The following NRG1 variants were observed in gnomAD, a reference collection of about 807,000 sequenced individuals.
NRG1 encodes the protein neuregulin 1.
NRG1 carries 18 observed loss-of-function variants against 63.8 expected under a neutral mutation model. The observed-to-expected ratio is 0.28, with a 90% CI of 0.19 to 0.42. NRG1 has a LOEUF of 0.42. NRG1 is among the 10% of genes least tolerant of loss of function. The pLI, the probability that NRG1 is intolerant of heterozygous loss-of-function variation, is 1.00. For synonymous variants in NRG1, 302 were observed against 301.3 expected (o/e 1.00, Z -0.02); for missense variants, 762 against 814.7 (o/e 0.94, Z 0.79).
intron 1 of NRG1, among the ~76,000 whole-genome samples, chr8:31,654,579 G>A (rs1348125241): frequency 2.0e-5 from 3 of 152,234 alleles, no homozygotes; most frequent in Non-Finnish European, 4.4e-5. Context: ...TTAACACATT[G>A]TCTTGCTCAC....
intron 1 of NRG1, among the ~76,000 whole-genome samples, chr8:32,229,389 T>C (rs997922878): frequency 1.5e-4 from 23 of 152,258 alleles, no homozygotes; most frequent in Non-Finnish European, 2.5e-4. Context: ...GTTCTCCTGA[T>C]TGGGCAAGAT....
chr8:32,475,688 G>C (rs1433162514), intron 1 of NRG1, among the ~76,000 whole-genome samples: 1 of 151,984 alleles, frequency 6.6e-6, no homozygotes, highest in Non-Finnish European at 1.5e-5. Flanking sequence ...TGAGACTACA[G>C]GCAAATGCCA....
intron 5 of NRG1, chr8:32,647,088 C>A: frequency 9.1e-6 from 9 of 985,380 alleles, no homozygotes; most frequent in Non-Finnish European, 1.1e-5. Flanking sequence ...CTCCTGGCTG[C>A]ACTCTTGCCT....
chr8:32,643,450 G>A (rs545132590), intron 5 of NRG1, among the ~76,000 whole-genome samples: 77 of 152,296 alleles, frequency 5.1e-4, no homozygotes, highest in Middle Eastern at 6.8e-3. Flanking sequence ...GCCACAGGTT[G>A]GTGCACCATT....
At chr8:32,274,582 G>A (rs1851894095) in intron 1 of NRG1, among the ~76,000 whole-genome samples, 1 of 152,142 alleles carries the variant, frequency 6.6e-6, no homozygotes, top group Admixed American at 6.5e-5. Flanking sequence ...GAAAGAAAGT[G>A]AAAGATATGT....
intron 1 of NRG1, among the ~76,000 whole-genome samples, chr8:32,033,168 C>T (rs370310898): frequency 2.1e-4 from 31 of 148,506 alleles, no homozygotes; most frequent in African/African-American, 7.7e-4. Context: ...GATCTTGGCT[C>T]ACTGCAAGCT....
intron 1 of NRG1, among the ~76,000 whole-genome samples, chr8:32,139,722 A>C (rs1264965428): frequency 6.6e-6 from 1 of 152,170 alleles, no homozygotes. Flanking sequence ...GGACTTACCC[A>C]CGTAACCGAA....
At chr8:32,365,366 C>CT (rs916926344) in intron 1 of NRG1, among the ~76,000 whole-genome samples, 7 of 151,264 alleles carry the variant, frequency 4.6e-5, no homozygotes, top group Non-Finnish European at 7.4e-5. Flanking sequence ...CTTTATTTGG[C>CT]TTTTTTTTGG....
intron 1 of NRG1, among the ~76,000 whole-genome samples, chr8:31,758,785 T>G (rs1437198175): frequency 6.6e-6 from 1 of 152,168 alleles, no homozygotes; most frequent in African/African-American, 2.4e-5. Context: ...AGTGAGTACT[T>G]AGAAATGGGA....
chr8:31,974,030 C>A (rs535520487), intron 1 of NRG1, among the ~76,000 whole-genome samples: 246 of 152,264 alleles, frequency 1.6e-3, no homozygotes, highest in African/African-American at 5.6e-3. Flanking sequence ...TTCAAACTGT[C>A]GCTCTTTTGT....
intron 1 of NRG1, among the ~76,000 whole-genome samples, chr8:32,472,429 C>G (rs1457071623): frequency 3.3e-5 from 5 of 152,232 alleles, no homozygotes; most frequent in Non-Finnish European, 5.9e-5. Context: ...CTTGGTCTCT[C>G]AAAGTGCTGG....
At chr8:32,266,924 C>T (rs372528256) in intron 1 of NRG1, among the ~76,000 whole-genome samples, 12 of 151,408 alleles carry the variant, frequency 7.9e-5, no homozygotes, top group African/African-American at 2.9e-4. Flanking sequence ...TGGCACATGC[C>T]TGTAATCCCA....
At chr8:31,987,677 T>G (rs1412903623) in intron 1 of NRG1, among the ~76,000 whole-genome samples, 1 of 151,832 alleles carries the variant, frequency 6.6e-6, no homozygotes, top group Non-Finnish European at 1.5e-5. Context: ...ATAATTTGTA[T>G]AACCAAACCC....
At chr8:32,624,766 T>C (rs1173664345) in intron 5 of NRG1, among the ~76,000 whole-genome samples, 1 of 152,170 alleles carries the variant, frequency 6.6e-6, no homozygotes, top group Admixed American at 6.5e-5. Flanking sequence ...GTTTTGAAAT[T>C]AGAATGCATG....
At chr8:32,086,105 A>T (rs1828186402) in intron 1 of NRG1, among the ~76,000 whole-genome samples, 1 of 152,222 alleles carries the variant, frequency 6.6e-6, no homozygotes, top group Non-Finnish European at 1.5e-5. Flanking sequence ...CTCTCATTAC[A>T]TTAGCTTAAT....
intron 1 of NRG1, among the ~76,000 whole-genome samples, chr8:32,335,192 A>C (rs980925066): frequency 2.6e-5 from 4 of 152,152 alleles, no homozygotes; most frequent in African/African-American, 9.7e-5. Context: ...ATATAAAACT[A>C]TTTTCTTATT....
At chr8:32,162,099 C>A (rs1838895000) in intron 1 of NRG1, among the ~76,000 whole-genome samples, 1 of 152,156 alleles carries the variant, frequency 6.6e-6, no homozygotes, top group African/African-American at 2.4e-5. Flanking sequence ...TGATTAAAGA[C>A]AAATATGTAT....
In NRG1 at chr8:32,459,616, A is replaced by G. The variant is rs979036036; in HGVS notation, c.38-136212A>G. On this transcript the variant is annotated intron_variant, in intron 1 of 10. Transcript: ENST00000519301. The stretch of plus-strand genomic sequence containing the variant: ...CCCATTTCTAATTAAAAAAAAAAAA[A>G]AAGAAGAAGGAAACATGAATTAGAT... Among the ~76,000 whole-genome samples the G allele has an allele frequency of 4.6e-5, 7 of 151,934 alleles. No homozygotes were observed. The East Asian group carries it at 5.8e-4, about 13-fold the overall frequency.
chr8:32,544,096 T>C (rs1832828435), upstream of NRG1, among the ~76,000 whole-genome samples: 1 of 152,216 alleles, frequency 6.6e-6, no homozygotes, highest in Non-Finnish European at 1.5e-5. Context: ...AGTGATATTA[T>C]GTAACAGTAT....
Sources: gnomAD v4.1 joint callset for allele counts (sites outside exome capture counted in the v4.1 genomes callset) on GRCh38, gnomAD v4.1.1 for gene constraint, MANE v1.5 for transcripts, NCBI Gene and HGNC (gene_info 2026-07-23, HGNC 2026-07-21) for gene names.